The following PTER variants were observed in gnomAD, a reference collection of about 807,000 sequenced individuals.
PTER encodes the protein phosphotriesterase related.
Under a neutral mutation model 29.6 loss-of-function variants are expected in PTER, and 38 were observed. The ratio of observed to expected loss-of-function variants is 1.28; its 90% CI spans 0.99 to 1.68. The LOEUF (loss-of-function observed/expected upper bound fraction) is 1.68, where lower values mean the gene tolerates loss of function less well. PTER is among the 40% of genes most tolerant of loss of function. PTER has a pLI of 0.00. For missense variants in PTER, 482 were observed against 427.8 expected (o/e 1.13, Z -1.12); for synonymous variants, 172 against 154.5 (o/e 1.11, Z -0.84).
chr10:16,473,532 A>C (rs966307390), intron 1 of PTER, among the ~76,000 whole-genome samples: 1 of 150,258 alleles, frequency 6.7e-6, no homozygotes, highest in African/African-American at 2.4e-5. Flanking sequence ...AAAAAAAAAA[A>C]AAAAAAAAAA....
chr10:16,487,147 G>C (rs534260584), intron 3 of PTER, among the ~76,000 whole-genome samples: 2 of 152,310 alleles, frequency 1.3e-5, no homozygotes, highest in South Asian at 2.1e-4. Flanking sequence ...AATAAGTATA[G>C]CATGTGTTGG....
At chr10:16,485,293 C>G (rs888400621) in intron 2 of PTER, among the ~76,000 whole-genome samples, 1 of 152,030 alleles carries the variant, frequency 6.6e-6, no homozygotes, top group Non-Finnish European at 1.5e-5. Flanking sequence ...GTTTCAGTTT[C>G]CTTTCACAAA....
At chr10:16,466,869 G>A (rs1395209770) in intron 1 of PTER, among the ~76,000 whole-genome samples, 1 of 152,188 alleles carries the variant, frequency 6.6e-6, no homozygotes, top group East Asian at 1.9e-4. Context: ...AGAAATTCCT[G>A]AGGATGGTCT....
rs927065800 is a variant in PTER at position 16,484,968 on chromosome 10, C to T, written c.432+152C>T. 63 of 765,668 alleles carry T rather than the reference C, an allele frequency of 8.2e-5. 1 individual carries two copies. The highest frequency in any genetic ancestry group is 3.9e-4 in the Middle Eastern group (1 of 2,556). 47.4% of individuals were successfully genotyped at this position (765,668 alleles called of 1,614,324 possible). A position where few individuals can be genotyped will look rare whatever the true frequency, so the allele number is the denominator to read the frequency against. On this transcript the variant is annotated intron_variant, in intron 2 of 4. Coordinates refer to ENST00000535784, the MANE Select transcript of PTER (RefSeq NM_001261836.2). Reference sequence around the variant, plus strand: ...CCAGTTGGGGCCCCAGTTAGTAACACTGTATTTCATAAAGAAAGTGCCAAT... The same window carrying T: ...CCAGTTGGGGCCCCAGTTAGTAACATTGTATTTCATAAAGAAAGTGCCAAT...
intron 1 of PTER, among the ~76,000 whole-genome samples, chr10:16,460,431 C>T (rs1411001437): frequency 6.6e-6 from 1 of 152,140 alleles, no homozygotes; most frequent in Non-Finnish European, 1.5e-5. Context: ...AAAATGAAGT[C>T]ATCAAATTAA....
chr10:16,445,827 AG>A (rs769628808), intron 1 of PTER, among the ~76,000 whole-genome samples: 1 of 152,066 alleles, frequency 6.6e-6, no homozygotes, highest in South Asian at 2.1e-4. Context: ...TGGTCTTCAG[AG>A]GACACTGCCT....
At chr10:16,501,390 C>T (rs979438077) in intron 3 of PTER, among the ~76,000 whole-genome samples, 1 of 151,090 alleles carries the variant, frequency 6.6e-6, no homozygotes, top group African/African-American at 2.4e-5. Flanking sequence ...CACACACACA[C>T]CCCATAGTAA....
chr10:16,460,712 A>T (rs1434505398), intron 1 of PTER, among the ~76,000 whole-genome samples: 1 of 152,150 alleles, frequency 6.6e-6, no homozygotes, highest in Non-Finnish European at 1.5e-5. Flanking sequence ...AAAGTTGCAG[A>T]TATAAGTCTA....
At chr10:16,475,474 T>C (rs760384226) in intron 1 of PTER, among the ~76,000 whole-genome samples, 68 of 152,178 alleles carry the variant, frequency 4.5e-4, no homozygotes, top group African/African-American at 1.3e-3. Context: ...GATTCTTACA[T>C]TGCAACTCGG....
At position 16,468,234 on chromosome 10, in the gene PTER, C is replaced by T. The variant is rs146462170; in HGVS notation, c.-48-16103C>T. Among the ~76,000 whole-genome samples, 389 of 152,178 alleles carry T rather than the reference C, an allele frequency of 2.6e-3. 2 individuals are homozygous for T. Among genetic ancestry groups the T allele is most frequent in the African/African-American group, 8.6e-3 (356 of 41,522 alleles). ...GCAGACACCTGTAATCCTAGCTACT[C>T]GGAAGGCCGAGGCAGGAGAATCACT... On this transcript the variant is annotated intron_variant, in intron 1 of 4. Coordinates refer to ENST00000535784, the MANE Select transcript of PTER (RefSeq NM_001261836.2).
Position 16,513,413 on chromosome 10 carries a change from T to C in PTER, c.*2157T>C, listed in dbSNP as rs1023083610. On this transcript the variant is annotated 3_prime_UTR_variant, in exon 5 of 5. Transcript: ENST00000535784. ...AAGCCATATATATAAATGTTTTATATGTATATGTTTTATACATAAATAAAA... is the reference window on the plus strand; with the variant it reads ...AAGCCATATATATAAATGTTTTATACGTATATGTTTTATACATAAATAAAA... 3.3e-5 allele frequency: 5 copies of C among 152,558 alleles called. No individual in the cohort carries two copies. The highest frequency in any genetic ancestry group is 1.2e-4 in the African/African-American group (5 of 41,438). 9.5% of individuals were successfully genotyped at this position (152,558 alleles called of 1,614,324 possible).
chr10:16,508,269 C>T (rs765262622), intron 4 of PTER, among the ~76,000 whole-genome samples: 47 of 152,034 alleles, frequency 3.1e-4, no homozygotes, highest in Admixed American at 6.5e-4. Flanking sequence ...GGGGTTTCAC[C>T]GTGTTAGCCA....
In PTER at chr10:16,484,685, A is replaced by G; in HGVS notation, c.301A>G (p.Thr101Ala). 1 of 1,614,180 alleles carries G rather than the reference A, an allele frequency of 6.2e-7. No individual in the cohort carries two copies. The highest frequency in any genetic ancestry group is 1.3e-5 in the African/African-American group (1 of 75,058). Reference sequence around the variant, plus strand: ...AGGGGCTTTGGTGGAAAACACAACCACTGGGATTAGCCGAGACACACAGAC... The same window carrying G: ...AGGGGCTTTGGTGGAAAACACAACCGCTGGGATTAGCCGAGACACACAGAC... ...GGGALVENTT[T>A]GISRDTQTLK... The change falls in exon 2 of 5, where the codon ACT becomes GCT. Residue 101 changes from threonine to alanine, a missense_variant. Coordinates refer to ENST00000535784, the MANE Select transcript of PTER (RefSeq NM_001261836.2).
chr10:16,477,557 A>G (rs1835325317), intron 1 of PTER, among the ~76,000 whole-genome samples: 1 of 152,144 alleles, frequency 6.6e-6, no homozygotes, highest in Non-Finnish European at 1.5e-5. Flanking sequence ...AGTAATATCC[A>G]TTTCAAGCTA....
intron 3 of PTER, among the ~76,000 whole-genome samples, chr10:16,492,391 T>G (rs1437452168): frequency 6.6e-6 from 1 of 152,208 alleles, no homozygotes; most frequent in Non-Finnish European, 1.5e-5. Context: ...GTTAAAACTC[T>G]ACCCACGTGT....
chr10:16,503,944 C>T (rs12770890), intron 3 of PTER, among the ~76,000 whole-genome samples: 41,505 of 152,096 alleles, frequency 0.27, 5,800 homozygotes, highest in South Asian at 0.37. Context: ...CTCATCTCCA[C>T]GCCAATTTCC....
At chr10:16,440,610 C>T (rs1473159647) in intron 1 of PTER, among the ~76,000 whole-genome samples, 1 of 152,196 alleles carries the variant, frequency 6.6e-6, no homozygotes, top group Middle Eastern at 3.4e-3. Context: ...GTTTGGCTAA[C>T]GAAACGCAAG....
chr10:16,501,554 T>G (rs1282567091), intron 3 of PTER, among the ~76,000 whole-genome samples: 1 of 152,214 alleles, frequency 6.6e-6, no homozygotes, highest in African/African-American at 2.4e-5. Flanking sequence ...AATCCTTTCT[T>G]ACCTTTCTGG....
Position 16,511,399 on chromosome 10 carries a change from T to G in PTER, c.*143T>G. Reference sequence around the variant, plus strand: ...CTGATGAGAACTAGGAGGGTTTGCCTTCTCTGAGACCAGCTATTACAACTG... The same window carrying G: ...CTGATGAGAACTAGGAGGGTTTGCCGTCTCTGAGACCAGCTATTACAACTG... On this transcript the variant is annotated 3_prime_UTR_variant, in exon 5 of 5. Transcript: ENST00000535784. The G allele has an allele frequency of 1.3e-6, 1 of 743,908 alleles. No homozygotes were observed. The highest frequency in any genetic ancestry group is 2.2e-6 in the Non-Finnish European group (1 of 449,732). 46.1% of individuals were successfully genotyped at this position (743,908 alleles called of 1,614,324 possible).
Sources: gnomAD v4.1 joint callset for allele counts (sites outside exome capture counted in the v4.1 genomes callset) on GRCh38, gnomAD v4.1.1 for gene constraint, MANE v1.5 for transcripts, NCBI Gene and HGNC (gene_info 2026-07-23, HGNC 2026-07-21) for gene names.